SLC12A6: variants seen among roughly 807,000 people sequenced by gnomAD.
SLC12A6 encodes the protein K-Cl cotransporter 3.
In SLC12A6, 66 loss-of-function variants were observed where a neutral mutation model predicts 135.3. The ratio of observed to expected loss-of-function variants is 0.49; its 90% CI spans 0.40 to 0.60. The LOEUF (loss-of-function observed/expected upper bound fraction) is 0.60. Among genes scored for constraint, SLC12A6 ranks in the 20% least tolerant of loss-of-function variants. The probability of loss-of-function intolerance (pLI) is 0.00; values close to 1 mark genes in which losing one functional copy is unlikely to be tolerated. For synonymous variants in SLC12A6, 513 were observed against 508.8 expected (o/e 1.01, Z -0.11); for missense variants, 1,058 against 1,452.3 (o/e 0.73, Z 4.41).
At chr15:34,236,660 T>C in intron 23 of SLC12A6, 48 bp downstream of exon 23, 1 of 1,117,896 alleles carries the variant, frequency 8.9e-7, no homozygotes, top group Non-Finnish European at 1.4e-6. Flanking sequence ...TCCCTTTCAG[T>C]GACAGACTTT....
chr15:34,230,966 ACAT>A lies in SLC12A6; in HGVS notation c.*2912_*2914del, dbSNP rs1890882517. 3 of 152,182 alleles carry A rather than the reference ACAT, an allele frequency of 2.0e-5. No homozygotes were observed. Among genetic ancestry groups the A allele is most frequent in the Non-Finnish European group, 4.4e-5 (3 of 68,032 alleles). The allele number at this position is 152,182 out of a possible 1,614,324, so 9.4% of individuals were successfully genotyped here. The stretch of plus-strand genomic sequence containing the variant: ...TTACTTTCTGCCCATAATTTGTTCT[ACAT>A]GGAAAAAAAAAATATTACTTTGGCC... On this transcript the variant is annotated 3_prime_UTR_variant, in exon 26 of 26. Coordinates refer to ENST00000354181, the MANE Select transcript of SLC12A6 (RefSeq NM_001365088.1).
chr15:34,298,311 C>A (rs1480679742), intron 2 of SLC12A6, among the ~76,000 whole-genome samples: 1 of 151,904 alleles, frequency 6.6e-6, no homozygotes, highest in African/African-American at 2.4e-5. Flanking sequence ...CCCGTTTCTA[C>A]TAAAAATACA....
At position 34,324,761 on chromosome 15, in the gene SLC12A6, G is replaced by A. The variant is rs185876241; in HGVS notation, c.271+11649C>T. On this transcript the variant is annotated intron_variant, in intron 2 of 25. Transcript: ENST00000354181. ...TATATCCCATACTCCGTACCCTCTC[G>A]AGTGTGGTATCATTTAGAAGGTTAG... is the stretch of plus-strand genomic sequence containing the variant. Among the ~76,000 whole-genome samples the A allele has an allele frequency of 2.3e-3, 351 of 151,940 alleles. 1 individual carries two copies. Among genetic ancestry groups the A allele is most frequent in the African/African-American group, 8.1e-3 (334 of 41,436 alleles).
At chr15:34,237,598 AAAG>A in intron 21 of SLC12A6, 48 bp from the exon 22 acceptor site, 2 of 1,545,172 alleles carry the variant, frequency 1.3e-6, no homozygotes, top group Non-Finnish European at 1.8e-6. Context: ...AGGAGGCAAA[AAAG>A]GTTATTTCCT....
chr15:34,242,756 T>C (rs78279845), intron 16 of SLC12A6, among the ~76,000 whole-genome samples: 25,352 of 152,066 alleles, frequency 0.17, 2,184 homozygotes, highest in East Asian at 0.29. Flanking sequence ...TTGGGCCGGA[T>C]GCGGTGGCTC....
At chr15:34,302,666 G>A (rs1307392502) in intron 2 of SLC12A6, among the ~76,000 whole-genome samples, 1 of 152,212 alleles carries the variant, frequency 6.6e-6, no homozygotes, top group Non-Finnish European at 1.5e-5. Context: ...CTGCACTCCA[G>A]CCTGGGTGAC....
At chr15:34,257,092 C>G (rs917008396) in intron 6 of SLC12A6, among the ~76,000 whole-genome samples, 1 of 151,980 alleles carries the variant, frequency 6.6e-6, no homozygotes, top group Non-Finnish European at 1.5e-5. Context: ...CAGTAGAAAA[C>G]TATAAAATTC....
chr15:34,242,162 T>C lies in SLC12A6; in HGVS notation c.2102A>G (p.Tyr701Cys), dbSNP rs1325526516. Residue 701 changes from tyrosine (Y) to cysteine (C), a missense_variant, in exon 17 of 26, where the codon TAT becomes TGT. By Grantham distance (194) the Tyr-to-Cys change is radical. Transcript: ENST00000354181. ...CLALMFISSW[Y>C]YAIVAMVIAG... ...TATTACCATGGCTACAATGGCATAA[T>C]ACCAGGAAGAAATGAACATCAGAGC... The C allele has an allele frequency of 6.3e-7, 1 of 1,591,340 alleles. No individual in the cohort carries two copies. Among genetic ancestry groups the C allele is most frequent in the South Asian group, 1.1e-5 (1 of 90,588 alleles).
chr15:34,250,812 C>CT, intron 11 of SLC12A6, 83 bp from the exon 12 acceptor site: 2 of 1,401,434 alleles, frequency 1.4e-6, no homozygotes, highest in Non-Finnish European at 2.0e-6. Flanking sequence ...AGAAGCAAAT[C>CT]TAGGAACCCT....
chr15:34,256,575 T>C (rs1183042317), intron 6 of SLC12A6, among the ~76,000 whole-genome samples: 1 of 152,186 alleles, frequency 6.6e-6, no homozygotes, highest in Non-Finnish European at 1.5e-5. Context: ...TAGAGCATAG[T>C]ATACTCAAAA....
At chr15:34,331,585 C>G (rs181018446) in intron 2 of SLC12A6, among the ~76,000 whole-genome samples, 1 of 152,126 alleles carries the variant, frequency 6.6e-6, no homozygotes, top group Non-Finnish European at 1.5e-5. Context: ...ATCTTCAACT[C>G]AATGTATATT....
chr15:34,265,653 A>G (rs1222358287), intron 3 of SLC12A6, among the ~76,000 whole-genome samples: 1 of 152,148 alleles, frequency 6.6e-6, no homozygotes, highest in East Asian at 1.9e-4. Context: ...TTTTCAAACT[A>G]CTAATGTGAA....
intron 2 of SLC12A6, among the ~76,000 whole-genome samples, chr15:34,290,920 C>T (rs1445353109): frequency 6.6e-6 from 1 of 152,114 alleles, no homozygotes; most frequent in Non-Finnish European, 1.5e-5. Context: ...ACCGATAGGT[C>T]TTGACTCTTT....
chr15:34,256,883 C>T (rs941612141), intron 6 of SLC12A6, among the ~76,000 whole-genome samples: 4 of 151,964 alleles, frequency 2.6e-5, no homozygotes, highest in Admixed American at 6.6e-5. Flanking sequence ...AATAGATTAG[C>T]GTTGGTAGCT....
chr15:34,330,257 T>C (rs1282948473), intron 2 of SLC12A6, among the ~76,000 whole-genome samples: 1 of 152,192 alleles, frequency 6.6e-6, no homozygotes, highest in Non-Finnish European at 1.5e-5. Flanking sequence ...TGTTGAAGAA[T>C]CTAGTTATCC....
At chr15:34,239,350 G>A (rs1891486752) in intron 19 of SLC12A6, among the ~76,000 whole-genome samples, 190 bp from the exon 20 acceptor site, 2 of 152,058 alleles carry the variant, frequency 1.3e-5, no homozygotes, top group East Asian at 1.9e-4. Context: ...TGCTTACTAC[G>A]TATTTTTGCC....
At chr15:34,308,940 T>G (rs949017566) in intron 2 of SLC12A6, among the ~76,000 whole-genome samples, 1 of 152,170 alleles carries the variant, frequency 6.6e-6, no homozygotes, top group Non-Finnish European at 1.5e-5. Flanking sequence ...AAATAATGGC[T>G]TTAGAGCTAC....
intron 2 of SLC12A6, among the ~76,000 whole-genome samples, chr15:34,289,329 G>A (rs1004528125): frequency 6.6e-6 from 1 of 152,172 alleles, no homozygotes; most frequent in Non-Finnish European, 1.5e-5. Flanking sequence ...TCCCAGGGAC[G>A]AAGCCCACGT....
chr15:34,305,501 C>T (rs1340949041), intron 2 of SLC12A6, among the ~76,000 whole-genome samples: 3 of 145,948 alleles, frequency 2.1e-5, no homozygotes, highest in Admixed American at 7.0e-5. Context: ...AATTATGTTT[C>T]GGGCGCCTAC....
Sources: allele counts gnomAD v4.1 joint callset (sites outside exome capture counted in the v4.1 genomes callset), GRCh38; gene constraint gnomAD v4.1.1; transcripts MANE v1.5; gene names NCBI Gene and HGNC (gene_info 2026-07-23, HGNC 2026-07-21).